Variants in AKR1C8 observed in about 807,000 individuals in gnomAD.
The protein encoded by AKR1C8 is aldo-keto reductase family 1 member C-like protein 1.
chr10:5,183,846 C>T, the AKR1C8 span, among the ~76,000 whole-genome samples: 12 of 152,208 alleles, frequency 7.9e-5, no homozygotes, highest in South Asian at 8.3e-4. Context: ...CATCAAAATG[C>T]CTTTGTCCTT....
the AKR1C8 span, among the ~76,000 whole-genome samples, chr10:5,184,405 A>G: frequency 6.6e-6 from 1 of 152,240 alleles, no homozygotes; most frequent in East Asian, 1.9e-4. Flanking sequence ...TTTTTAATAC[A>G]TTGATGAGAC....
At chr10:5,144,304 G>C in the AKR1C8 span, among the ~76,000 whole-genome samples, 1 of 152,158 alleles carries the variant, frequency 6.6e-6, no homozygotes, top group Non-Finnish European at 1.5e-5. Context: ...AAGTCAGGTA[G>C]CGTGATGCCT....
the AKR1C8 span, among the ~76,000 whole-genome samples, chr10:5,147,686 G>A: frequency 3.2e-4 from 48 of 152,276 alleles, no homozygotes; most frequent in African/African-American, 1.1e-3. Context: ...CAAAGGGCCA[G>A]CTCTCAAGCA....
At chr10:5,163,454 C>T in the AKR1C8 span, among the ~76,000 whole-genome samples, 10 of 152,084 alleles carry the variant, frequency 6.6e-5, no homozygotes, top group Non-Finnish European at 1.2e-4. Context: ...GCAAAGCAAC[C>T]CCAAAGCTCA....
the AKR1C8 span, among the ~76,000 whole-genome samples, chr10:5,141,958 A>G: frequency 1.3e-5 from 2 of 152,108 alleles, no homozygotes; most frequent in South Asian, 4.1e-4. Context: ...TTTAAATATG[A>G]AAGTCCTAGA....
At chr10:5,135,622 A>C in the AKR1C8 span, among the ~76,000 whole-genome samples, 5 of 152,162 alleles carry the variant, frequency 3.3e-5, no homozygotes, top group African/African-American at 1.2e-4. Context: ...CAATAGATTT[A>C]TAGAATGATT....
the AKR1C8 span, among the ~76,000 whole-genome samples, chr10:5,183,490 TA>T: frequency 6.6e-6 from 1 of 152,136 alleles, no homozygotes; most frequent in Non-Finnish European, 1.5e-5. Context: ...TCTTCTCACA[TA>T]AAAACTATCA....
At chr10:5,158,382 G>C in the AKR1C8 span, among the ~76,000 whole-genome samples, 42,429 of 152,124 alleles carry the variant, frequency 0.28, 6,773 homozygotes, top group Non-Finnish European at 0.36. Context: ...TTTAGGAGTG[G>C]GGTTGGGAGT....
At chr10:5,138,685 CT>C in the AKR1C8 span, among the ~76,000 whole-genome samples, 1 of 152,106 alleles carries the variant, frequency 6.6e-6, no homozygotes, top group African/African-American at 2.4e-5. Flanking sequence ...TCCATTAAAT[CT>C]TCACAATTTA....
chr10:5,168,751 A>C, the AKR1C8 span, among the ~76,000 whole-genome samples: 4 of 152,140 alleles, frequency 2.6e-5, no homozygotes, highest in Non-Finnish European at 4.4e-5. Context: ...AGAATGAAAA[A>C]GATAAGATCC....
chr10:5,183,491 A>G, the AKR1C8 span, among the ~76,000 whole-genome samples: 1 of 152,224 alleles, frequency 6.6e-6, no homozygotes, highest in African/African-American at 2.4e-5. Flanking sequence ...CTTCTCACAT[A>G]AAAACTATCA....
chr10:5,143,790 C>G, the AKR1C8 span, among the ~76,000 whole-genome samples: 1 of 148,936 alleles, frequency 6.7e-6, no homozygotes, highest in Non-Finnish European at 1.5e-5. Context: ...AGAATTTTAA[C>G]CATATTGATT....
chr10:5,122,289 C>T, the AKR1C8 span: 34 of 201,176 alleles, frequency 1.7e-4, 1 homozygote, highest in East Asian at 1.7e-3. Context: ...CTATCCTCAT[C>T]GGCTTCCAGG....
At chr10:5,124,579 T>A in the AKR1C8 span, among the ~76,000 whole-genome samples, 1 of 152,020 alleles carries the variant, frequency 6.6e-6, no homozygotes, top group Non-Finnish European at 1.5e-5. Context: ...AATAATAAAA[T>A]AATAACACAA....
chr10:5,160,031 G>T, the AKR1C8 span: 1 of 327,542 alleles, frequency 3.1e-6, no homozygotes, highest in Non-Finnish European at 6.5e-6. Flanking sequence ...ATGGGTGATA[G>T]ACCTTTAGTG....
At chr10:5,127,770 G>C in the AKR1C8 span, among the ~76,000 whole-genome samples, 1 of 137,844 alleles carries the variant, frequency 7.3e-6, no homozygotes. Flanking sequence ...AATTATCCAA[G>C]AAATATGAGA....
the AKR1C8 span, among the ~76,000 whole-genome samples, chr10:5,178,735 T>C: frequency 1.3e-5 from 2 of 152,144 alleles, no homozygotes; most frequent in African/African-American, 2.4e-5. Flanking sequence ...CATTATGTAA[T>C]GGCCTCATCT....
chr10:5,150,781 A>C, the AKR1C8 span, among the ~76,000 whole-genome samples: 1 of 152,060 alleles, frequency 6.6e-6, no homozygotes, highest in African/African-American at 2.4e-5. Flanking sequence ...TAGAAAGGAG[A>C]CTCAGTTTCC....
the AKR1C8 span, chr10:5,184,927 C>T: frequency 1.1e-5 from 5 of 470,972 alleles, no homozygotes; most frequent in Non-Finnish European, 2.2e-5. Context: ...CATCCACTGT[C>T]TACCCAAGTG....
Sources: gnomAD v4.1 joint callset for allele counts (sites outside exome capture counted in the v4.1 genomes callset) on GRCh38, gnomAD v4.1.1 for gene constraint, MANE v1.5 for transcripts, NCBI Gene and HGNC (gene_info 2026-07-23, HGNC 2026-07-21) for gene names.